Variants in ERBIN observed in about 807,000 individuals in gnomAD.
ERBIN encodes the protein densin-180-like protein.
Under a neutral mutation model 158.4 loss-of-function variants are expected in ERBIN, and 60 were observed. That is an observed-to-expected ratio of 0.38 (90% confidence interval 0.31 to 0.47). The LOEUF is 0.47. Ranked by LOEUF, ERBIN falls within the 20% of genes least tolerant of loss-of-function variation. The pLI is 0.99. For synonymous variants in ERBIN, 594 were observed against 557.2 expected (o/e 1.07, Z -0.93); for missense variants, 1,610 against 1,648.0 (o/e 0.98, Z 0.40).
chr5:65,966,461 A>T lies in ERBIN; in HGVS notation c.-57-22174A>T, dbSNP rs180784493. Among the ~76,000 whole-genome samples, 241 of 152,178 alleles carry T rather than the reference A, an allele frequency of 1.6e-3. 1 individual carries two copies. Among genetic ancestry groups the T allele is most frequent in the African/African-American group, 5.6e-3 (232 of 41,496 alleles). On this transcript the variant is annotated intron_variant, in intron 1 of 25. Transcript: ENST00000284037. ...TTTGGGAGGCCAAGGTGGGCGGATC[A>T]CCTGTGGTCGGAAGATTGAGATCAG...
chr5:65,948,062 A>AT (rs1300717040), intron 1 of ERBIN, among the ~76,000 whole-genome samples: 2 of 151,758 alleles, frequency 1.3e-5, no homozygotes, highest in Non-Finnish European at 2.9e-5. Flanking sequence ...TTGTTTATGT[A>AT]AGAGCTATTG....
intron 1 of ERBIN, among the ~76,000 whole-genome samples, chr5:65,987,367 T>TACACACACACACACACACACACACAC (rs56222591): frequency 1.0e-3 from 138 of 135,792 alleles, no homozygotes; most frequent in Middle Eastern, 3.8e-3. Flanking sequence ...AGAGACTGTC[T>TACACACACACACACACACACACACAC]ACACACACAC....
At chr5:66,061,427 C>T (rs1014339759) in intron 21 of ERBIN, among the ~76,000 whole-genome samples, 1 of 152,104 alleles carries the variant, frequency 6.6e-6, no homozygotes, top group Non-Finnish European at 1.5e-5. Context: ...TGTTTTGAGC[C>T]TATGTGTGTC....
At chr5:65,967,408 T>C (rs1427587328) in intron 1 of ERBIN, among the ~76,000 whole-genome samples, 1 of 152,194 alleles carries the variant, frequency 6.6e-6, no homozygotes, top group Non-Finnish European at 1.5e-5. Context: ...TTTTTTATCT[T>C]TCATACCATA....
intron 23 of ERBIN, among the ~76,000 whole-genome samples, chr5:66,075,557 A>G (rs1308250816): frequency 6.6e-6 from 1 of 152,194 alleles, no homozygotes; most frequent in African/African-American, 2.4e-5. Context: ...TGACACTTAA[A>G]ATCTTAATTC....
At position 66,076,160 on chromosome 5, in the gene ERBIN, T is replaced by C. The variant is rs952540120; in HGVS notation, c.3964-156T>C. The C allele has an allele frequency of 4.3e-5, 26 of 608,824 alleles. No individual in the cohort carries two copies. The Admixed American group carries it at 6.1e-4, about 14-fold the overall frequency. 37.7% of individuals were successfully genotyped at this position (608,824 alleles called of 1,614,324 possible). A position where few individuals can be genotyped will look rare whatever the true frequency, so the allele number is the denominator to read the frequency against. On this transcript the variant is annotated intron_variant, in intron 23 of 25. Transcript: ENST00000284037. ...ACTAACTCATTAACATAATATTCTATGTTGTATTTCACTTCATCTGACCAA... is the reference window on the plus strand; with the variant it reads ...ACTAACTCATTAACATAATATTCTACGTTGTATTTCACTTCATCTGACCAA...
intron 16 of ERBIN, 80 bp downstream of exon 16, chr5:66,043,278 G>C: frequency 7.3e-7 from 1 of 1,378,430 alleles, no homozygotes; most frequent in Non-Finnish European, 1.0e-6. Context: ...TATGATGTCT[G>C]GGGATATAAC....
At chr5:66,062,693 G>T (rs936135496) in intron 21 of ERBIN, among the ~76,000 whole-genome samples, 1 of 152,140 alleles carries the variant, frequency 6.6e-6, no homozygotes, top group Non-Finnish European at 1.5e-5. Context: ...GGTCTTTGAT[G>T]ATGGTGATGT....
chr5:65,992,638 A>G, intron 2 of ERBIN, 72 bp from the exon 3 acceptor site: 1 of 1,130,116 alleles, frequency 8.8e-7, no homozygotes, highest in Non-Finnish European at 1.3e-6. Context: ...ATTGTGATAG[A>G]TTGGAATGAT....
chr5:65,982,184 C>T (rs1252866571), intron 1 of ERBIN, among the ~76,000 whole-genome samples: 1 of 152,178 alleles, frequency 6.6e-6, no homozygotes, highest in Non-Finnish European at 1.5e-5. Flanking sequence ...GGGTGACATA[C>T]TGAAAGTCCT....
chr5:65,958,578 C>A (rs1278003914), intron 1 of ERBIN, among the ~76,000 whole-genome samples: 1 of 150,850 alleles, frequency 6.6e-6, no homozygotes, highest in Non-Finnish European at 1.5e-5. Flanking sequence ...GCAGTACAGT[C>A]CAGCTTCGGC....
At chr5:65,932,648 T>A (rs1201526518) in intron 1 of ERBIN, among the ~76,000 whole-genome samples, 1 of 152,178 alleles carries the variant, frequency 6.6e-6, no homozygotes, top group Non-Finnish European at 1.5e-5. Flanking sequence ...TAATTAAATT[T>A]TTTTTCTTGT....
chr5:65,988,353 A>C (rs1751489672), intron 1 of ERBIN, among the ~76,000 whole-genome samples: 1 of 151,756 alleles, frequency 6.6e-6, no homozygotes, highest in Non-Finnish European at 1.5e-5. Context: ...AGTCTAGGTG[A>C]CAGAGTGAGA....
chr5:66,033,160 A>T (rs1393289399), intron 14 of ERBIN, among the ~76,000 whole-genome samples: 1 of 152,116 alleles, frequency 6.6e-6, no homozygotes, highest in Non-Finnish European at 1.5e-5. Flanking sequence ...TTCTTTTTTC[A>T]GTACTATTAT....
chr5:65,970,131 T>C (rs1003723385), intron 1 of ERBIN, among the ~76,000 whole-genome samples: 1 of 152,078 alleles, frequency 6.6e-6, no homozygotes, highest in Admixed American at 6.5e-5. Flanking sequence ...AAGACTACAC[T>C]GTTAAATTAT....
Position 66,044,800 on chromosome 5 carries a change from G to A in ERBIN, c.1602+490G>A, listed in dbSNP as rs138347322. Among the ~76,000 whole-genome samples the A allele has an allele frequency of 4.9e-3, 745 of 151,954 alleles. 2 individuals carry two copies. The highest frequency in any genetic ancestry group is 8.3e-3 in the Non-Finnish European group (562 of 67,932). ...AATAAGAGTATAAGGGAGATGGCTG[G>A]CCATGGTGGCTCACTCCTGTTATCC... On this transcript the variant is annotated intron_variant, in intron 17 of 25. Coordinates refer to ENST00000284037, the MANE Select transcript of ERBIN (RefSeq NM_001253697.2).
intron 1 of ERBIN, among the ~76,000 whole-genome samples, chr5:65,969,376 A>T (rs1749006608): frequency 6.6e-6 from 1 of 152,228 alleles, no homozygotes; most frequent in Non-Finnish European, 1.5e-5. Flanking sequence ...GAAAGGCAGT[A>T]CAAGTAAAGC....
intron 15 of ERBIN, 40 bp from the exon 16 acceptor site, chr5:66,043,037 A>G (rs1319127122): frequency 2.8e-6 from 4 of 1,429,950 alleles, no homozygotes; most frequent in Non-Finnish European, 3.9e-6. Context: ...CCATAATTAC[A>G]GTAAAATATA....
intron 1 of ERBIN, among the ~76,000 whole-genome samples, chr5:65,939,829 G>A (rs1282356861): frequency 6.6e-6 from 1 of 152,066 alleles, no homozygotes; most frequent in Non-Finnish European, 1.5e-5. Flanking sequence ...GATTGCAGAC[G>A]GAGTCTGGTT....
Sources: allele counts gnomAD v4.1 joint callset (sites outside exome capture counted in the v4.1 genomes callset), GRCh38; gene constraint gnomAD v4.1.1; transcripts MANE v1.5; gene names NCBI Gene and HGNC (gene_info 2026-07-23, HGNC 2026-07-21).